The following NPLOC4 variants were observed in gnomAD, a reference collection of about 807,000 sequenced individuals.
NPLOC4 encodes the protein NPL4 homolog, ubiquitin recognition factor.
In NPLOC4, 18 loss-of-function variants were observed where a neutral mutation model predicts 80.6. The ratio of observed to expected loss-of-function variants is 0.22; its 90% CI spans 0.15 to 0.33. The LOEUF (loss-of-function observed/expected upper bound fraction) is 0.33, where lower values mean the gene tolerates loss of function less well. Ranked by LOEUF, NPLOC4 falls within the 10% of genes least tolerant of loss-of-function variation. NPLOC4 has a pLI of 1.00. For synonymous variants in NPLOC4, 313 were observed against 301.5 expected (o/e 1.04, Z -0.39); for missense variants, 540 against 786.1 (o/e 0.69, Z 3.74).
At chr17:81,602,697 G>A (rs1354620115) in intron 8 of NPLOC4, among the ~76,000 whole-genome samples, 4 of 144,712 alleles carry the variant, frequency 2.8e-5, no homozygotes, top group East Asian at 2.0e-4. Context: ...GTAAAACTCC[G>A]TCTCAAAATT....
intron 12 of NPLOC4, among the ~76,000 whole-genome samples, chr17:81,583,059 G>A (rs2034487797): frequency 6.6e-6 from 1 of 152,284 alleles, no homozygotes; most frequent in Non-Finnish European, 1.5e-5. Flanking sequence ...CAGAGTGTGT[G>A]TGACACACCC....
chr17:81,567,384 T>C lies in NPLOC4; in HGVS notation c.1566+33A>G, dbSNP rs1199460074. On this transcript the variant is annotated intron_variant, in intron 15 of 16. Transcript: ENST00000331134. This position sits in a 1 kb window ranked among gnomAD's most constrained non-coding sequence, Gnocchi z 4.5. The stretch of plus-strand genomic sequence containing the variant: ...GCGTCTCTTTGCAGCCAAAGCCCAC[T>C]TGCTCAAGTGGACACCACACTTGGA... The C allele has an allele frequency of 7.3e-7, 1 of 1,362,638 alleles. No homozygotes were observed. Among genetic ancestry groups the C allele is most frequent in the Admixed American group, 1.8e-5 (1 of 57,114 alleles). The allele number at this position is 1,362,638 out of a possible 1,614,324, so 84.4% of individuals were successfully genotyped here.
intron 13 of NPLOC4, 88 bp from the exon 14 acceptor site, chr17:81,569,199 C>A: frequency 1.2e-3 from 911 of 758,052 alleles, no homozygotes; most frequent in East Asian, 2.5e-3. Context: ...TCCCAGAGCC[C>A]AAATTAACGA....
rs755153960 is a variant in NPLOC4 at position 81,567,577 on chromosome 17, A to T, written c.1450-44T>A. On this transcript the variant is annotated intron_variant, in intron 14 of 16. Coordinates refer to ENST00000331134, the MANE Select transcript of NPLOC4 (RefSeq NM_017921.4). The surrounding 1 kb of genome is among the most constrained non-coding windows in gnomAD (Gnocchi z 4.5). The stretch of plus-strand genomic sequence containing the variant: ...ACATGAATGTTCCATACAGTTCCCC[A>T]GTGCCAGACCCCGAAACAGAGCTGT... 1.2e-5 allele frequency: 15 copies of T among 1,203,420 alleles called. No individual in the cohort carries two copies. The highest frequency in any genetic ancestry group is 6.1e-6 in the Non-Finnish European group (5 of 820,610). 74.5% of individuals were successfully genotyped at this position (1,203,420 alleles called of 1,614,324 possible). A position where few individuals can be genotyped will look rare whatever the true frequency, so the allele number is the denominator to read the frequency against.
chr17:81,592,194 A>G (rs1326458655), intron 11 of NPLOC4, among the ~76,000 whole-genome samples: 1 of 152,136 alleles, frequency 6.6e-6, no homozygotes, highest in African/African-American at 2.4e-5. Context: ...CTCAGTCTGA[A>G]CCTTCCTGTC....
In NPLOC4 at chr17:81,620,986, GCAC is replaced by G. The variant is rs1429617531; in HGVS notation, c.209+1177_209+1179del. On this transcript the variant is annotated intron_variant, in intron 3 of 16. Coordinates refer to ENST00000331134, the MANE Select transcript of NPLOC4 (RefSeq NM_017921.4). ...TGCAGTGAGCTACGATCGCACCACCGCACTCCAGCCTGGGTGACACGGTGAGAT... is the reference window on the plus strand; with the variant it reads ...TGCAGTGAGCTACGATCGCACCACCGTCCAGCCTGGGTGACACGGTGAGAT... 2.1e-4 allele frequency among the ~76,000 whole-genome samples: 32 copies of G among 151,942 alleles called. No homozygotes were observed. In the South Asian group the frequency reaches 6.0e-3, roughly 29 times the overall value.
At chr17:81,568,100 AAAAAAG>A (rs1248091211) in intron 14 of NPLOC4, 3 of 148,850 alleles carry the variant, frequency 2.0e-5, no homozygotes, top group African/African-American at 7.3e-5. Flanking sequence ...AAAAAAAAAA[AAAAAAG>A]GCTGACTCAG....
chr17:81,615,641 C>A (rs945056114), intron 3 of NPLOC4, among the ~76,000 whole-genome samples: 9 of 152,228 alleles, frequency 5.9e-5, no homozygotes, highest in African/African-American at 1.9e-4. Flanking sequence ...AATTCACTCA[C>A]AGCTTTGGGC....
chr17:81,633,542 C>A (rs1245610911), intron 1 of NPLOC4, among the ~76,000 whole-genome samples: 1 of 152,182 alleles, frequency 6.6e-6, no homozygotes, highest in Non-Finnish European at 1.5e-5. Context: ...TCTGGCCTAG[C>A]CTCTGACACA....
chr17:81,565,520 T>C lies in NPLOC4; in HGVS notation c.1654A>G (p.Ile552Val). Residue 552 changes from isoleucine to valine, a missense_variant, in exon 16 of 17, where the codon ATC becomes GTC. This residue lies in a region of NPLOC4 where 251 missense variants were observed against 377.5 expected (regional missense o/e 0.66). Transcript: ENST00000331134. ...GGGTACTCACTGCACAGCTGCTCGATGGTGGCCCACTGCTCAGACCTCTTC... is the reference window on the plus strand; with the variant it reads ...GGGTACTCACTGCACAGCTGCTCGACGGTGGCCCACTGCTCAGACCTCTTC... The part of the protein sequence containing the change: ...TWKRSEQWAT[I>V]EQLCSTVGGQ... 3 of 1,551,840 alleles carry C rather than the reference T, an allele frequency of 1.9e-6. No homozygotes were observed. Among genetic ancestry groups the C allele is most frequent in the Non-Finnish European group, 2.6e-6 (3 of 1,148,800 alleles).
chr17:81,611,066 T>C (rs2035327468), intron 4 of NPLOC4, among the ~76,000 whole-genome samples: 1 of 151,694 alleles, frequency 6.6e-6, no homozygotes, highest in African/African-American at 2.4e-5. Context: ...ACACCTCTAA[T>C]CCCAACACTT....
At chr17:81,565,710 G>C in intron 15 of NPLOC4, 103 bp from the exon 16 acceptor site, 1 of 872,124 alleles carries the variant, frequency 1.1e-6, no homozygotes, top group Non-Finnish European at 1.7e-6. Context: ...GTATTTCTGA[G>C]GACATTTTAA....
intron 9 of NPLOC4, 76 bp downstream of exon 9, chr17:81,600,265 C>T: frequency 9.5e-7 from 1 of 1,048,720 alleles, no homozygotes; most frequent in Middle Eastern, 2.8e-4. Context: ...CCCGGCCACT[C>T]TCCCAACTCC....
intron 12 of NPLOC4, among the ~76,000 whole-genome samples, chr17:81,579,663 C>T (rs75932482): frequency 0.024 from 3,581 of 152,224 alleles, 139 homozygotes; most frequent in African/African-American, 0.082. Flanking sequence ...CCCTGACACA[C>T]GGACCATGCC....
chr17:81,623,464 C>CAAA (rs60092546), intron 2 of NPLOC4, among the ~76,000 whole-genome samples: 1,480 of 82,200 alleles, frequency 0.018, 60 homozygotes, highest in East Asian at 0.029. Context: ...GACTTTGTTT[C>CAAA]AAAAAAAAAA....
intron 3 of NPLOC4, among the ~76,000 whole-genome samples, chr17:81,621,871 A>C (rs1485898338): frequency 1.3e-5 from 2 of 152,222 alleles, no homozygotes; most frequent in African/African-American, 4.8e-5. Context: ...ACTCCAGACA[A>C]GCAGCTGAGT....
At chr17:81,624,926 C>T (rs1158528448) in intron 2 of NPLOC4, among the ~76,000 whole-genome samples, 3 of 152,296 alleles carry the variant, frequency 2.0e-5, no homozygotes, top group East Asian at 1.9e-4. Context: ...GCTGGCGAGG[C>T]AGACAGGGCC....
intron 14 of NPLOC4, among the ~76,000 whole-genome samples, chr17:81,568,727 C>T (rs1026582290): frequency 2.0e-5 from 3 of 152,216 alleles, no homozygotes; most frequent in Admixed American, 2.0e-4. Context: ...CCAACAGTGA[C>T]GAGGCTGCTG....
Position 81,558,872 on chromosome 17 carries a change from C to T in NPLOC4, c.*387G>A, listed in dbSNP as rs146242422. 2.5e-3 allele frequency: 408 copies of T among 160,618 alleles called. 1 individual carries two copies. Among genetic ancestry groups the T allele is most frequent in the Middle Eastern group, 5.7e-3 (2 of 348 alleles). 9.9% of individuals were successfully genotyped at this position (160,618 alleles called of 1,614,324 possible). ...CCAGAAAAACATGGGGGCAGGGAGGCCAAACAAAAAGCACTGAAAATAAAG... is the reference window on the plus strand; with the variant it reads ...CCAGAAAAACATGGGGGCAGGGAGGTCAAACAAAAAGCACTGAAAATAAAG... On this transcript the variant is annotated 3_prime_UTR_variant, in exon 17 of 17. Transcript: ENST00000331134.
Sources: gnomAD v4.1 joint callset for allele counts (sites outside exome capture counted in the v4.1 genomes callset) on GRCh38, gnomAD v4.1.1 for gene constraint, gnomAD v4.1.1 regional missense constraint, Gnocchi (gnomAD v3.1) non-coding constraint, MANE v1.5 for transcripts, NCBI Gene and HGNC (gene_info 2026-07-23, HGNC 2026-07-21) for gene names.